The following KDM5A variants were observed in gnomAD, a reference collection of about 807,000 sequenced individuals.
KDM5A encodes the protein lysine demethylase 5A.
In KDM5A, 42 loss-of-function variants were observed where a neutral mutation model predicts 193.5. The ratio of observed to expected loss-of-function variants is 0.22; its 90% CI spans 0.17 to 0.28. The LOEUF (loss-of-function observed/expected upper bound fraction) is 0.28, where lower values mean the gene tolerates loss of function less well. KDM5A is among the 10% of genes least tolerant of loss of function. KDM5A has a pLI of 1.00. For synonymous variants in KDM5A, 796 were observed against 718.1 expected, an observed-to-expected ratio of 1.11 and a Z score of -1.73; for missense variants, 1,692 against 2,055.1, an observed-to-expected ratio of 0.82 and a Z score of 3.42.
intron 20 of KDM5A, among the ~76,000 whole-genome samples, chr12:312,414 G>A (rs901331051): frequency 6.6e-6 from 1 of 151,978 alleles, no homozygotes; most frequent in Non-Finnish European, 1.5e-5. Context: ...TTATTTTTCT[G>A]CCTCTAATTT....
At chr12:333,432 AAAG>A (rs1943887509) in intron 12 of KDM5A, 52 bp downstream of exon 12, 2 of 1,605,080 alleles carry the variant, frequency 1.2e-6, no homozygotes, top group Non-Finnish European at 8.5e-7. Flanking sequence ...AAAAAAGAAA[AAAG>A]AAAAAACAAA....
At chr12:336,411 G>C (rs902087229) in intron 10 of KDM5A, among the ~76,000 whole-genome samples, 1 of 149,112 alleles carries the variant, frequency 6.7e-6, no homozygotes, top group Non-Finnish European at 1.5e-5. Context: ...GTCCAACACA[G>C]GTTTAACTAA....
chr12:336,219 C>T (rs554690573), intron 10 of KDM5A, among the ~76,000 whole-genome samples: 23 of 151,464 alleles, frequency 1.5e-4, no homozygotes, highest in South Asian at 1.3e-3. Flanking sequence ...ATTAGTCAGG[C>T]GTGGTGGCGT....
Position 281,234 on chromosome 12 carries a change from T to C in KDM5A, c.*4222A>G. The C allele has an allele frequency of 4.3e-6, 1 of 233,126 alleles. No individual in the cohort carries two copies. The highest frequency in any genetic ancestry group is 8.5e-6 in the Non-Finnish European group (1 of 117,970). 14.4% of individuals were successfully genotyped at this position (233,126 alleles called of 1,614,324 possible). On this transcript the variant is annotated 3_prime_UTR_variant, in exon 28 of 28. Coordinates refer to ENST00000399788, the MANE Select transcript of KDM5A (RefSeq NM_001042603.3). ...ATACTTTTCATAAGGCACCACCAAT[T>C]ACCCTGATAAATTGTAAATAAATAT...
chr12:321,195 A>C, intron 17 of KDM5A, 86 bp from the exon 18 acceptor site: 1 of 922,466 alleles, frequency 1.1e-6, no homozygotes, highest in South Asian at 1.3e-5. Flanking sequence ...CAGAATTCAA[A>C]CCTAAGCAAT....
chr12:321,171 G>A (rs1375886053), intron 17 of KDM5A, 62 bp from the exon 18 acceptor site: 13 of 1,141,614 alleles, frequency 1.1e-5, no homozygotes, highest in Admixed American at 1.0e-4. Flanking sequence ...TATCAAAAGG[G>A]CTCCTAGTCT....
chr12:322,982 G>T, intron 16 of KDM5A, 100 bp downstream of exon 16: 2 of 1,493,596 alleles, frequency 1.3e-6, no homozygotes, highest in Non-Finnish European at 1.9e-6. Context: ...GGAAGCCTAG[G>T]ATTTTTCTTT....
At position 331,915 on chromosome 12, in the gene KDM5A, A is replaced by G; in HGVS notation, c.1677T>C (p.Ala559=). 6 of 1,614,152 alleles carry G rather than the reference A, an allele frequency of 3.7e-6. No individual in the cohort carries two copies. The highest frequency in any genetic ancestry group is 5.1e-6 in the Non-Finnish European group (6 of 1,179,956). ...GVPVYRTNQC[A]GEFVVTFPRA... ...GAGGAAATGTCACAACAAACTCGCC[A>G]GCACACTGATTGGTCCTGTACACCT... Residue 559 remains alanine, a synonymous_variant, in exon 13 of 28, where the codon GCT becomes GCC. Transcript: ENST00000399788.
intron 27 of KDM5A, among the ~76,000 whole-genome samples, chr12:290,646 T>C (rs1166440977): frequency 6.6e-6 from 1 of 152,192 alleles, no homozygotes; most frequent in East Asian, 1.9e-4. Flanking sequence ...TTCATAGAGA[T>C]TGTTTTGTCT....
chr12:361,852 T>C (rs2137465241), intron 5 of KDM5A, among the ~76,000 whole-genome samples: 1 of 152,172 alleles, frequency 6.6e-6, no homozygotes, highest in South Asian at 2.1e-4. Context: ...TTTCAAAAGG[T>C]ACCTAAGAAG....
chr12:388,575 C>G (rs967885541), intron 1 of KDM5A: 1 of 381,844 alleles, frequency 2.6e-6, no homozygotes, highest in African/African-American at 2.1e-5. Context: ...AAAGAGATAG[C>G]CGACTATCAA....
At chr12:289,252 A>T (rs943742402) in intron 27 of KDM5A, among the ~76,000 whole-genome samples, 3 of 152,142 alleles carry the variant, frequency 2.0e-5, no homozygotes, top group African/African-American at 4.8e-5. Context: ...ATACTACTTA[A>T]ATTAGTAGCC....
Position 318,203 on chromosome 12 carries a change from G to A in KDM5A, c.2800C>T (p.Pro934Ser), listed in dbSNP as rs1943672112. Residue 934 changes from proline (P) to serine (S), a missense_variant, in exon 19 of 28, where the codon CCC (proline) becomes TCC (serine). Pro to Ser is a moderately conservative substitution (Grantham distance 74). Coordinates refer to ENST00000399788, the MANE Select transcript of KDM5A (RefSeq NM_001042603.3). ...KLIDSGVGLAPHHAVEKAMAE... is the reference protein window; with the variant it reads ...KLIDSGVGLASHHAVEKAMAE... The stretch of plus-strand genomic sequence containing the variant: ...ATTGCTTTCTCCACAGCATGGTGGG[G>A]TGCCAACCCTACCCCAGAGTCTATC... 2.5e-6 allele frequency: 4 copies of A among 1,614,120 alleles called. No homozygotes were observed. The highest frequency in any genetic ancestry group is 2.2e-5 in the South Asian group (2 of 91,080).
chr12:368,730 A>G (rs1944388208), intron 3 of KDM5A, among the ~76,000 whole-genome samples: 1 of 152,180 alleles, frequency 6.6e-6, no homozygotes, highest in African/African-American at 2.4e-5. Context: ...CCCTGTCTCA[A>G]GGAAAAAACA....
At chr12:364,511 C>T (rs1397466825) in intron 4 of KDM5A, among the ~76,000 whole-genome samples, 2 of 147,996 alleles carry the variant, frequency 1.4e-5, no homozygotes, top group Non-Finnish European at 3.0e-5. Flanking sequence ...AACGGCCGGG[C>T]GCAGTGGCTC....
Position 284,158 on chromosome 12 carries a change from G to C in KDM5A, c.*1298C>G, listed in dbSNP as rs929205350. On this transcript the variant is annotated 3_prime_UTR_variant, in exon 28 of 28. Coordinates refer to ENST00000399788, the MANE Select transcript of KDM5A (RefSeq NM_001042603.3). The stretch of plus-strand genomic sequence containing the variant: ...TTTTTTTTAAAGCAAAAAAGAAAAA[G>C]CAAGCCCCCAAATGGATTTTTGATG... The C allele has an allele frequency of 1.6e-4, 37 of 229,812 alleles. No homozygotes were observed. The highest frequency in any genetic ancestry group is 2.7e-4 in the Non-Finnish European group (31 of 115,968). The allele number at this position is 229,812 out of a possible 1,614,324, so 14.2% of individuals were successfully genotyped here.
At chr12:351,219 T>TC (rs1427398990) in intron 9 of KDM5A, among the ~76,000 whole-genome samples, 1 of 152,098 alleles carries the variant, frequency 6.6e-6, no homozygotes, top group Non-Finnish European at 1.5e-5. Flanking sequence ...AGCCCCCTAC[T>TC]CCCGGACAGG....
At chr12:346,408 T>C (rs1303764027) in intron 10 of KDM5A, among the ~76,000 whole-genome samples, 1 of 152,196 alleles carries the variant, frequency 6.6e-6, no homozygotes, top group Non-Finnish European at 1.5e-5. Flanking sequence ...CCCTAACTCA[T>C]TTTATGAGGC....
intron 6 of KDM5A, 126 bp from the exon 7 acceptor site, chr12:355,375 CTATT>C (rs1017700045): frequency 5.8e-6 from 4 of 686,282 alleles, no homozygotes; most frequent in East Asian, 5.5e-5. Context: ...GGTAGATATA[CTATT>C]TATTATCTCT....
Sources: gnomAD v4.1 joint callset for allele counts (sites outside exome capture counted in the v4.1 genomes callset) on GRCh38, gnomAD v4.1.1 for gene constraint, MANE v1.5 for transcripts, NCBI Gene and HGNC (gene_info 2026-07-23, HGNC 2026-07-21) for gene names.